Variants in FAM161A observed in about 807,000 individuals in gnomAD.
FAM161A encodes FAM161 centrosomal protein A.
FAM161A carries 57 observed loss-of-function variants against 70.9 expected under a neutral mutation model. The ratio of observed to expected loss-of-function variants is 0.80; its 90% CI spans 0.65 to 1.00. The LOEUF (loss-of-function observed/expected upper bound fraction) is 1.00. Ranked by LOEUF, FAM161A falls within the 50% of genes least tolerant of loss-of-function variation. The probability of loss-of-function intolerance (pLI) is 0.00; values close to 1 mark genes in which losing one functional copy is unlikely to be tolerated. For synonymous variants in FAM161A, 299 were observed against 295.7 expected, an observed-to-expected ratio of 1.01 and a Z score of -0.12; for missense variants, 880 against 836.0, an observed-to-expected ratio of 1.05 and a Z score of -0.65.
At chr2:61,804,172 G>T in the FAM161A span, among the ~76,000 whole-genome samples, 2 of 152,166 alleles carry the variant, frequency 1.3e-5, no homozygotes, top group Non-Finnish European at 2.9e-5. Context: ...TCATGGCACT[G>T]GTGGGAGTGT....
At chr2:61,822,296 T>A (rs970797327), downstream of FAM161A, among the ~76,000 whole-genome samples, 2 of 152,132 alleles carry the variant, frequency 1.3e-5, no homozygotes, top group African/African-American at 4.8e-5. Context: ...TTAAAAATTT[T>A]AAAAAGTTAT....
chr2:61,826,103 T>G lies in FAM161A; in HGVS notation c.*352A>C. 2.1e-6 allele frequency: 1 copy of G among 473,952 alleles called. No individual in the cohort carries two copies. Among genetic ancestry groups the G allele is most frequent in the Non-Finnish European group, 4.2e-6 (1 of 240,612 alleles). The allele number at this position is 473,952 out of a possible 1,614,324, so 29.4% of individuals were successfully genotyped here. ...AAAGTAAACCACCAAAGACCAATACTTCTCTCTCCTTTCAATACTAAGCCA... is the reference window on the plus strand; with the variant it reads ...AAAGTAAACCACCAAAGACCAATACGTCTCTCTCCTTTCAATACTAAGCCA... On this transcript the variant is annotated 3_prime_UTR_variant, in exon 7 of 7. Transcript: ENST00000404929.
chr2:61,843,534 G>C (rs1464156327), intron 1 of FAM161A, among the ~76,000 whole-genome samples: 1 of 152,088 alleles, frequency 6.6e-6, no homozygotes, highest in African/African-American at 2.4e-5. Flanking sequence ...AATTATTTAT[G>C]ATACTATGCA....
chr2:61,828,912 T>C lies in FAM161A; in HGVS notation c.1852-1654A>G, dbSNP rs11894695. 7.3e-3 allele frequency among the ~76,000 whole-genome samples: 1,104 copies of C among 152,252 alleles called. 13 individuals are homozygous for C. The highest frequency in any genetic ancestry group is 0.025 in the African/African-American group (1,046 of 41,544). On this transcript the variant is annotated intron_variant, in intron 5 of 6. Transcript: ENST00000404929. ...TGGGTTCACACTAGTGCCTCCACTT[T>C]AGCCCATTTTAGCTCCCATGAGTGG...
chr2:61,843,378 C>A (rs968252665), intron 1 of FAM161A, among the ~76,000 whole-genome samples: 2 of 152,134 alleles, frequency 1.3e-5, no homozygotes, highest in African/African-American at 2.4e-5. Flanking sequence ...CTACTCGCCT[C>A]GGCCTCTCAA....
chr2:61,840,070 C>T lies in FAM161A; in HGVS notation c.934G>A (p.Glu312Lys). ...GCCAAAAGAGCTTCTTTGCTTTTCTCCTTCAGAGACCTTCTCCGTTCTTCT... is the reference window on the plus strand; with the variant it reads ...GCCAAAAGAGCTTCTTTGCTTTTCTTCTTCAGAGACCTTCTCCGTTCTTCT... ...QKEERRRSLK[E>K]KSKEALLASQ... The change falls in exon 3 of 7, where the codon GAG (glutamate) becomes AAG (lysine). Residue 312 changes from glutamate (E) to lysine (K), a missense_variant. By Grantham distance (56) the Glu-to-Lys change is moderately conservative. Coordinates refer to ENST00000404929, the MANE Select transcript of FAM161A (RefSeq NM_001201543.2). 6.2e-7 allele frequency: 1 copy of T among 1,614,164 alleles called. No individual in the cohort carries two copies. The highest frequency in any genetic ancestry group is 8.5e-7 in the Non-Finnish European group (1 of 1,180,032).
intron 5 of FAM161A, among the ~76,000 whole-genome samples, chr2:61,834,079 C>T (rs947816502): frequency 6.6e-6 from 1 of 152,078 alleles, no homozygotes; most frequent in Non-Finnish European, 1.5e-5. Flanking sequence ...ATGCTATTCA[C>T]AACAGCAAAG....
chr2:61,838,648 T>C lies in FAM161A; in HGVS notation c.1641A>G (p.Lys547=). Reference sequence around the variant, plus strand: ...GCAATTCTTTCATTCTTTGCTTCTGTTTAGTTAGGATCCGATTTCTCTCTT... The same window carrying C: ...GCAATTCTTTCATTCTTTGCTTCTGCTTAGTTAGGATCCGATTTCTCTCTT... ...LEEERNRILT[K]QKQRMKELQK... is the part of the protein sequence containing the mutation. Residue 547 remains lysine, a synonymous_variant, in exon 4 of 7, where the codon AAA becomes AAG. Transcript: ENST00000404929. 1 of 1,611,336 alleles carries C rather than the reference T, an allele frequency of 6.2e-7. No individual in the cohort carries two copies. Among genetic ancestry groups the C allele is most frequent in the Non-Finnish European group, 8.5e-7 (1 of 1,179,176 alleles).
chr2:61,849,979 G>A (rs1673441023), intron 1 of FAM161A, among the ~76,000 whole-genome samples: 1 of 151,770 alleles, frequency 6.6e-6, no homozygotes. Flanking sequence ...TGGGGAGGGA[G>A]GGAGGGAGGG....
chr2:61,830,713 G>A (rs1356587487), intron 5 of FAM161A, among the ~76,000 whole-genome samples: 1 of 142,860 alleles, frequency 7.0e-6, no homozygotes. Flanking sequence ...AATGAGAACA[G>A]TAGACACTGG....
chr2:61,850,129 G>C (rs1673447409), intron 1 of FAM161A, among the ~76,000 whole-genome samples: 1 of 152,190 alleles, frequency 6.6e-6, no homozygotes, highest in African/African-American at 2.4e-5. Flanking sequence ...AGGCATGGTA[G>C]CTCATGCCTG....
Position 61,840,478 on chromosome 2 carries a change from C to A in FAM161A, c.526G>T (p.Glu176Ter). 1 of 1,614,060 alleles carries A rather than the reference C, an allele frequency of 6.2e-7. No individual in the cohort carries two copies. Among genetic ancestry groups the A allele is most frequent in the South Asian group, 1.1e-5 (1 of 91,086 alleles). The change falls in exon 3 of 7, where the codon GAG becomes TAG. Residue 176 changes from glutamate to a stop codon, truncating the protein, a stop_gained. Transcript: ENST00000404929. LOFTEE classifies it high-confidence loss of function. ...SSSLYVSSSEEELPNLEKEYP... is the reference protein window; with the variant it reads ...SSSLYVSSSE ...TCTTTTTCTAGGTTGGGTAACTCCT[C>A]TTCAGAGGAGGACACATACAAGGAG... is the stretch of plus-strand genomic sequence containing the variant.
At chr2:61,844,004 G>A (rs1558487983) in intron 1 of FAM161A, among the ~76,000 whole-genome samples, 1 of 152,090 alleles carries the variant, frequency 6.6e-6, no homozygotes, top group Non-Finnish European at 1.5e-5. Flanking sequence ...TTAGCCAGGT[G>A]TGCTGGCGGG....
At position 61,825,399 on chromosome 2, in the gene FAM161A, AAAGGGAT is replaced by A. The variant is rs1261730000; in HGVS notation, c.*1049_*1055del. ...TTATGCACAATTTCATCATATAAAA[AAAGGGAT>A]ACTTGCCCCTAATTTAGATTATAAC... On this transcript the variant is annotated 3_prime_UTR_variant, in exon 7 of 7. Coordinates refer to ENST00000404929, the MANE Select transcript of FAM161A (RefSeq NM_001201543.2). 1 of 454,120 alleles carries A rather than the reference AAAGGGAT, an allele frequency of 2.2e-6. No homozygotes were observed. Among genetic ancestry groups the A allele is most frequent in the Non-Finnish European group, 4.4e-6 (1 of 226,788 alleles). 28.1% of individuals were successfully genotyped at this position (454,120 alleles called of 1,614,324 possible).
the FAM161A span, among the ~76,000 whole-genome samples, chr2:61,817,473 G>T: frequency 6.6e-6 from 1 of 152,148 alleles, no homozygotes; most frequent in Non-Finnish European, 1.5e-5. Flanking sequence ...TTATCAAGAA[G>T]ATTATTGAAA....
chr2:61,840,640 T>C, intron 2 of FAM161A, 59 bp from the exon 3 acceptor site: 4 of 1,315,382 alleles, frequency 3.0e-6, no homozygotes, highest in Non-Finnish European at 3.3e-6. Flanking sequence ...ATATAAAAAT[T>C]AAGAGTTACA....
At chr2:61,807,669 T>C in the FAM161A span, among the ~76,000 whole-genome samples, 1 of 147,076 alleles carries the variant, frequency 6.8e-6, no homozygotes, top group Non-Finnish European at 1.5e-5. Flanking sequence ...AGACAAGGTC[T>C]TGCCCTGTCA....
chr2:61,805,319 G>A, the FAM161A span, among the ~76,000 whole-genome samples: 4 of 152,052 alleles, frequency 2.6e-5, no homozygotes, highest in Non-Finnish European at 5.9e-5. Context: ...AGTTCGAGAC[G>A]AGCCTGGCCA....
the FAM161A span, among the ~76,000 whole-genome samples, chr2:61,800,438 G>C: frequency 6.6e-6 from 1 of 152,186 alleles, no homozygotes; most frequent in Non-Finnish European, 1.5e-5. Flanking sequence ...AGGGACCCAG[G>C]TTCCTCCTAG....
Sources: gnomAD v4.1 joint callset for allele counts (sites outside exome capture counted in the v4.1 genomes callset) on GRCh38, gnomAD v4.1.1 for gene constraint, MANE v1.5 for transcripts, NCBI Gene and HGNC (gene_info 2026-07-23, HGNC 2026-07-21) for gene names.